LRRCC1: variants seen among roughly 807,000 people sequenced by gnomAD.
The protein encoded by LRRCC1 is leucine rich repeat and coiled-coil centrosomal protein 1, also known as leucine-rich repeat and coiled-coil domain-containing protein 1.
In LRRCC1, 115 loss-of-function variants were observed where a neutral mutation model predicts 126.0. That is an observed-to-expected ratio of 0.91 (90% CI 0.78 to 1.07). The LOEUF (loss-of-function observed/expected upper bound fraction) is 1.07. Ranked by LOEUF, LRRCC1 falls within the 50% of genes least tolerant of loss-of-function variation. The probability of loss-of-function intolerance (pLI) is 0.00; values close to 1 mark genes in which losing one functional copy is unlikely to be tolerated. For synonymous variants in LRRCC1, 400 were observed against 393.4 expected, an observed-to-expected ratio of 1.02 and a Z score of -0.20; for missense variants, 1,172 against 1,175.7, an observed-to-expected ratio of 1.00 and a Z score of 0.05.
In LRRCC1 at chr8:85,137,550, G is replaced by A; in HGVS notation, c.2416G>A (p.Glu806Lys). The change falls in exon 15 of 19, where the codon GAA becomes AAA. Residue 806 changes from glutamate (E) to lysine (K), a missense_variant. Physicochemically the swap from Glu to Lys is moderately conservative, Grantham distance 56. Coordinates refer to ENST00000360375, the MANE Select transcript of LRRCC1 (RefSeq NM_033402.5). The stretch of plus-strand genomic sequence containing the variant: ...GAATGAATGTCTGCGAAAGACAAAT[G>A]AAAGTGATAGTGATGCATTAAGAAT... ...RENECLRKTNESDSDALRIKC... is the reference protein window; with the variant it reads ...RENECLRKTNKSDSDALRIKC... 1.3e-6 allele frequency: 2 copies of A among 1,560,568 alleles called. No individual in the cohort carries two copies. Among genetic ancestry groups the A allele is most frequent in the Non-Finnish European group, 1.7e-6 (2 of 1,158,236 alleles).
Position 85,126,627 on chromosome 8 carries a change from T to C in LRRCC1, c.1273-62T>C, listed in dbSNP as rs1441618989. On this transcript the variant is annotated intron_variant, in intron 8 of 18. Transcript: ENST00000360375. ...TATTCCCCTGTTATAAATGGGAAAA[T>C]TGAGGCTGTGAGAAGTTAGGTAACT... is the stretch of plus-strand genomic sequence containing the variant. 6 of 1,420,280 alleles carry C rather than the reference T, an allele frequency of 4.2e-6. No individual in the cohort carries two copies. The East Asian group carries it at 9.3e-5, about 22-fold the overall frequency. The allele number at this position is 1,420,280 out of a possible 1,614,324, so 88.0% of individuals were successfully genotyped here.
chr8:85,108,090 C>T (rs1053829698), intron 1 of LRRCC1, among the ~76,000 whole-genome samples: 2 of 152,222 alleles, frequency 1.3e-5, no homozygotes, highest in African/African-American at 2.4e-5. Flanking sequence ...AACATTTCTC[C>T]ACTTACACTT....
intron 11 of LRRCC1, 77 bp downstream of exon 11, chr8:85,130,135 ATTTTT>A (rs11312968): frequency 5.8e-4 from 367 of 627,644 alleles, no homozygotes; most frequent in Middle Eastern, 9.1e-4. Flanking sequence ...CACTACCAGT[ATTTTT>A]TTTTTTTTTT....
At chr8:85,144,469 TATA>T (rs1811514396) in intron 18 of LRRCC1, among the ~76,000 whole-genome samples, 6 of 19,892 alleles carry the variant, frequency 3.0e-4, no homozygotes, top group African/African-American at 1.3e-3. Context: ...TATATATATA[TATA>T]TATTTTTTTT....
rs1587358517 is a variant in LRRCC1, at chr8:85,109,016, A to G, written c.105-579A>G. ...TTTTTGAAAATGCAATAGACTGTGG[A>G]TTAAATAGCTATTGCACACAAAGAA... On this transcript the variant is annotated intron_variant, in intron 1 of 18. Coordinates refer to ENST00000360375, the MANE Select transcript of LRRCC1 (RefSeq NM_033402.5). The G allele has an allele frequency of 2.0e-5, 3 of 152,524 alleles. 1 individual carries two copies. In the Middle Eastern group the frequency reaches 0.01, roughly 519 times the overall value. 9.4% of individuals were successfully genotyped at this position (152,524 alleles called of 1,614,324 possible). A position where few individuals can be genotyped will look rare whatever the true frequency, so the allele number is the denominator to read the frequency against.
intron 6 of LRRCC1, among the ~76,000 whole-genome samples, chr8:85,115,959 T>G (rs1457103496): frequency 1.3e-5 from 2 of 152,204 alleles, no homozygotes; most frequent in Non-Finnish European, 1.5e-5. Context: ...CTTCAGTGGT[T>G]TAATGGTCAA....
In LRRCC1 at chr8:85,135,823, A is replaced by C; in HGVS notation, c.2189A>C (p.Asp730Ala). 1 of 1,566,924 alleles carries C rather than the reference A, an allele frequency of 6.4e-7. No homozygotes were observed. Among genetic ancestry groups the C allele is most frequent in the South Asian group, 1.2e-5 (1 of 80,836 alleles). ...AACACCCTTGAAATTTTAATTGAAG[A>C]TGACAAGCAGAAGAGTATTCAAATA... The part of the protein sequence containing the change: ...QINTLEILIE[D>A]DKQKSIQIEL... The change falls in exon 14 of 19, where the codon GAT becomes GCT. Residue 730 changes from aspartate to alanine, a missense_variant. Asp to Ala is a moderately radical substitution (Grantham distance 126, BLOSUM62 -2). Transcript: ENST00000360375.
At chr8:85,115,303 T>C (rs1273918999) in intron 5 of LRRCC1, 28 bp downstream of exon 5, 2 of 1,563,044 alleles carry the variant, frequency 1.3e-6, no homozygotes, top group South Asian at 1.2e-5. Flanking sequence ...TTTTTCCTAA[T>C]ATAAAAAATA....
At chr8:85,116,294 T>C (rs538022541) in intron 6 of LRRCC1, among the ~76,000 whole-genome samples, 2 of 152,152 alleles carry the variant, frequency 1.3e-5, no homozygotes, top group Non-Finnish European at 2.9e-5. Flanking sequence ...GGGTGTAGGA[T>C]AGAAAGATAG....
chr8:85,141,976 C>G (rs1227585114), intron 18 of LRRCC1, among the ~76,000 whole-genome samples: 1 of 152,098 alleles, frequency 6.6e-6, no homozygotes, highest in African/African-American at 2.4e-5. Flanking sequence ...AGGGAAACAT[C>G]AGAAGCACCT....
At chr8:85,111,294 C>T (rs1473141509) in intron 3 of LRRCC1, among the ~76,000 whole-genome samples, 1 of 152,152 alleles carries the variant, frequency 6.6e-6, no homozygotes, top group African/African-American at 2.4e-5. Context: ...GGAGAATCAC[C>T]TGAACCCAGG....
intron 6 of LRRCC1, among the ~76,000 whole-genome samples, chr8:85,117,239 G>A (rs916787854): frequency 2.6e-5 from 4 of 152,166 alleles, no homozygotes; most frequent in African/African-American, 9.7e-5. Context: ...TTATTTGCAA[G>A]ATAGTTGAGC....
intron 8 of LRRCC1, 123 bp from the exon 9 acceptor site, chr8:85,126,566 A>G (rs768868303): frequency 1.2e-6 from 1 of 813,652 alleles, no homozygotes; most frequent in Non-Finnish European, 1.9e-6. Flanking sequence ...AAATAAAATA[A>G]AAAGTTTCAC....
At chr8:85,120,197 T>C (rs180691247) in intron 6 of LRRCC1, among the ~76,000 whole-genome samples, 8 of 152,350 alleles carry the variant, frequency 5.3e-5, no homozygotes, top group Admixed American at 5.2e-4. Context: ...AAAGAATGTG[T>C]ATTCTACAAT....
rs1197660137 is a variant in LRRCC1 at position 85,144,472 on chromosome 8, ATAT to A, written c.2977-915_2977-913del. 4.9e-3 allele frequency among the ~76,000 whole-genome samples: 146 copies of A among 30,050 alleles called. 1 individual carries two copies. Among genetic ancestry groups the A allele is most frequent in the Non-Finnish European group, 6.3e-3 (114 of 18,136 alleles). The allele number at this position is 30,050 out of a possible 152,430, so 19.7% of individuals were successfully genotyped here. On this transcript the variant is annotated intron_variant, in intron 18 of 18. Transcript: ENST00000360375. ...TATATATATATATATATATATATATATATTTTTTTTTTTTTTGAGATGGAGTTT... is the reference window on the plus strand; with the variant it reads ...TATATATATATATATATATATATATATTTTTTTTTTTTTGAGATGGAGTTT...
intron 6 of LRRCC1, among the ~76,000 whole-genome samples, chr8:85,116,998 T>G (rs562624079): frequency 6.6e-6 from 1 of 152,328 alleles, no homozygotes; most frequent in East Asian, 1.9e-4. Context: ...TTTGGACTCC[T>G]CCATTTCCTC....
chr8:85,130,079 G>A, intron 11 of LRRCC1, 21 bp downstream of exon 11: 1 of 1,521,504 alleles, frequency 6.6e-7, no homozygotes, highest in East Asian at 2.5e-5. Context: ...AATGTATCAG[G>A]AATGTATTGG....
chr8:85,127,636 C>T (rs746888136), intron 9 of LRRCC1, among the ~76,000 whole-genome samples: 10 of 152,128 alleles, frequency 6.6e-5, no homozygotes, highest in Admixed American at 1.3e-4. Context: ...GCCCAGTTCC[C>T]GATTTCTTTT....
chr8:85,123,214 A>G (rs1239036353), intron 6 of LRRCC1, among the ~76,000 whole-genome samples, 199 bp from the exon 7 acceptor site: 1 of 152,158 alleles, frequency 6.6e-6, no homozygotes, highest in African/African-American at 2.4e-5. Context: ...TCCAGAGTTT[A>G]TAATTATCTG....
Sources: gnomAD v4.1 joint callset for allele counts (sites outside exome capture counted in the v4.1 genomes callset) on GRCh38, gnomAD v4.1.1 for gene constraint, MANE v1.5 for transcripts, NCBI Gene and HGNC (gene_info 2026-07-23, HGNC 2026-07-21) for gene names.